The following LARGE1 variants were observed in gnomAD, a reference collection of about 807,000 sequenced individuals.
The protein encoded by LARGE1 is LARGE xylosyl- and glucuronyltransferase 1, also known as xylosyl- and glucuronyltransferase LARGE1.
In LARGE1, 43 loss-of-function variants were observed where a neutral mutation model predicts 87.6. The ratio of observed to expected loss-of-function variants is 0.49; its 90% CI spans 0.38 to 0.63. The LOEUF (loss-of-function observed/expected upper bound fraction) is 0.63. Among genes scored for constraint, LARGE1 ranks in the 30% least tolerant of loss-of-function variants. The probability of loss-of-function intolerance (pLI) is 0.00; values close to 1 mark genes in which losing one functional copy is unlikely to be tolerated. For synonymous variants in LARGE1, 434 were observed against 394.6 expected (o/e 1.10, Z -1.18); for missense variants, 802 against 1,000.2 (o/e 0.80, Z 2.67).
intron 6 of LARGE1, among the ~76,000 whole-genome samples, chr22:33,546,468 T>C (rs777521185): frequency 3.3e-5 from 5 of 152,252 alleles, no homozygotes; most frequent in Admixed American, 6.5e-5. Context: ...AACACCATTA[T>C]GTTTGGCACA....
At chr22:33,216,045 T>C (rs1925187094) in intron 11 of LARGE1, among the ~76,000 whole-genome samples, 1 of 152,214 alleles carries the variant, frequency 6.6e-6, no homozygotes, top group Non-Finnish European at 1.5e-5. Context: ...AAGGATCCAA[T>C]TTTATTTTTT....
intron 2 of LARGE1, among the ~76,000 whole-genome samples, chr22:33,760,774 G>C (rs1000910483): frequency 1.3e-5 from 2 of 152,152 alleles, no homozygotes; most frequent in Non-Finnish European, 2.9e-5. Flanking sequence ...AGAAGAATTA[G>C]CTGAGTGTGG....
intron 6 of LARGE1, among the ~76,000 whole-genome samples, chr22:33,557,337 G>C (rs1277168725): frequency 9.9e-5 from 15 of 152,220 alleles, no homozygotes; most frequent in Admixed American, 9.2e-4. Flanking sequence ...AGAACCAGTA[G>C]TGTCTATCAA....
At chr22:33,070,327 A>G in the LARGE1 span, among the ~76,000 whole-genome samples, 1 of 152,198 alleles carries the variant, frequency 6.6e-6, no homozygotes, top group Non-Finnish European at 1.5e-5. Flanking sequence ...TGTGCTATGT[A>G]TAGAACAATG....
chr22:33,587,041 C>G (rs1004102206), intron 5 of LARGE1, among the ~76,000 whole-genome samples: 1 of 152,164 alleles, frequency 6.6e-6, no homozygotes, highest in Admixed American at 6.5e-5. Flanking sequence ...TTATTTTAAA[C>G]TTAATATTAC....
chr22:33,072,934 C>T, the LARGE1 span, among the ~76,000 whole-genome samples: 3 of 152,294 alleles, frequency 2.0e-5, no homozygotes, highest in Admixed American at 6.5e-5. Flanking sequence ...CCAGCTGCAC[C>T]ACCTGTTAAT....
chr22:33,737,311 G>A (rs187526733), intron 2 of LARGE1, among the ~76,000 whole-genome samples: 6 of 152,224 alleles, frequency 3.9e-5, no homozygotes, highest in Admixed American at 3.9e-4. Flanking sequence ...CATTTACCAG[G>A]TACTCTGGCT....
At chr22:33,475,674 A>C (rs2069047217) in intron 6 of LARGE1, among the ~76,000 whole-genome samples, 1 of 151,846 alleles carries the variant, frequency 6.6e-6, no homozygotes, top group African/African-American at 2.4e-5. Flanking sequence ...AGTCGGTCAG[A>C]GTGGTCTCGA....
intron 1 of LARGE1, among the ~76,000 whole-genome samples, chr22:33,832,403 T>C (rs972203149): frequency 6.6e-6 from 1 of 151,530 alleles, no homozygotes; most frequent in Non-Finnish European, 1.5e-5. Context: ...GGTACAGAGG[T>C]CCAAAACACA....
At chr22:33,525,403 A>G (rs2071836545) in intron 6 of LARGE1, among the ~76,000 whole-genome samples, 1 of 152,208 alleles carries the variant, frequency 6.6e-6, no homozygotes, top group African/African-American at 2.4e-5. Flanking sequence ...ACTACTGGGC[A>G]AGGTAGACAA....
At chr22:33,594,470 A>C (rs903144548) in intron 5 of LARGE1, among the ~76,000 whole-genome samples, 1 of 152,226 alleles carries the variant, frequency 6.6e-6, no homozygotes, top group African/African-American at 2.4e-5. Flanking sequence ...CTCTGTGCTC[A>C]GTGCAAATTT....
At chr22:33,309,895 C>A (rs778225806) in intron 11 of LARGE1, among the ~76,000 whole-genome samples, 1 of 152,072 alleles carries the variant, frequency 6.6e-6, no homozygotes, top group Non-Finnish European at 1.5e-5. Context: ...CCACAGCAGG[C>A]GGGTGGGACA....
At chr22:33,163,157 C>G (rs564413032) in exon 12 of LARGE1, 1 of 152,336 alleles carries the variant, frequency 6.6e-6, no homozygotes, top group Non-Finnish European at 1.5e-5. Flanking sequence ...TAAATTATCA[C>G]AGATCCTTAA....
intron 2 of LARGE1, among the ~76,000 whole-genome samples, chr22:33,678,223 T>C (rs2149290135): frequency 6.6e-6 from 1 of 152,130 alleles, no homozygotes; most frequent in African/African-American, 2.4e-5. Flanking sequence ...GTGGAAAGGG[T>C]TCTTATTTTA....
At chr22:33,198,676 C>CACACACATACACACAT (rs60375534) in intron 11 of LARGE1, among the ~76,000 whole-genome samples, 57 of 148,572 alleles carry the variant, frequency 3.8e-4, no homozygotes, top group African/African-American at 1.4e-3. Flanking sequence ...CACACACACA[C>CACACACATACACACAT]GTATCTAAAA....
intron 2 of LARGE1, among the ~76,000 whole-genome samples, chr22:33,741,982 C>A (rs2083901953): frequency 6.6e-6 from 1 of 152,180 alleles, no homozygotes. Context: ...GAGAACGTAC[C>A]AGTTGTCACC....
At chr22:33,784,470 G>C (rs746353182) in intron 1 of LARGE1, among the ~76,000 whole-genome samples, 2 of 152,176 alleles carry the variant, frequency 1.3e-5, no homozygotes, top group Non-Finnish European at 2.9e-5. Context: ...GGAGCTCCTG[G>C]AAGTTAACTA....
At chr22:33,728,551 CAAAAAAAAAAAAAAAA>C in intron 2 of LARGE1, among the ~76,000 whole-genome samples, 1 of 37,472 alleles carries the variant, frequency 2.7e-5, no homozygotes, top group South Asian at 2.1e-3. Context: ...CCCCTACCAC[CAAAAAAAAAAAAAAAA>C]AAAAAAAAAA....
At chr22:33,618,282 C>G (rs527671334) in intron 4 of LARGE1, among the ~76,000 whole-genome samples, 5 of 152,166 alleles carry the variant, frequency 3.3e-5, no homozygotes, top group Non-Finnish European at 7.3e-5. Flanking sequence ...AAGAACAGAG[C>G]AACTTTCAAG....
Sources: gnomAD v4.1 joint callset for allele counts (sites outside exome capture counted in the v4.1 genomes callset) on GRCh38, gnomAD v4.1.1 for gene constraint, MANE v1.5 for transcripts, NCBI Gene and HGNC (gene_info 2026-07-23, HGNC 2026-07-21) for gene names.